Variants in MAN2A1 observed in about 807,000 individuals in gnomAD.
The protein encoded by MAN2A1 is mannosidase alpha class 2A member 1.
Under a neutral mutation model 142.6 loss-of-function variants are expected in MAN2A1, and 76 were observed. The ratio of observed to expected loss-of-function variants is 0.53; its 90% confidence interval spans 0.44 to 0.65. The LOEUF is 0.65. Ranked by LOEUF, MAN2A1 falls within the 30% of genes least tolerant of loss-of-function variation. The pLI, the probability that MAN2A1 is intolerant of heterozygous loss-of-function variation, is 0.00. For missense variants in MAN2A1, 1,311 were observed against 1,365.1 expected (o/e 0.96, Z 0.62); for synonymous variants, 559 against 473.2 (o/e 1.18, Z -2.35).
chr5:109,768,211 A>T (rs886537317), intron 6 of MAN2A1, among the ~76,000 whole-genome samples: 6 of 148,156 alleles, frequency 4.0e-5, no homozygotes, highest in African/African-American at 1.5e-4. Flanking sequence ...CATTCTAAGG[A>T]TATACTTGTG....
chr5:109,843,236 C>T (rs1028457850), intron 17 of MAN2A1, among the ~76,000 whole-genome samples: 10 of 152,234 alleles, frequency 6.6e-5, no homozygotes, highest in Middle Eastern at 3.4e-3. Flanking sequence ...AACTTACAAT[C>T]GTAGAGGAAG....
intron 1 of MAN2A1, among the ~76,000 whole-genome samples, chr5:109,696,631 C>G (rs1022667706): frequency 1.3e-5 from 2 of 152,170 alleles, no homozygotes; most frequent in African/African-American, 4.8e-5. Context: ...CGATATCTGC[C>G]AACATCACTG....
intron 4 of MAN2A1, among the ~76,000 whole-genome samples, chr5:109,731,356 CT>C (rs534960854): frequency 8.2e-4 from 101 of 123,732 alleles, no homozygotes; most frequent in Middle Eastern, 4.7e-3. Flanking sequence ...AAGCGTGTTT[CT>C]TTTTTTTATT....
intron 12 of MAN2A1, among the ~76,000 whole-genome samples, chr5:109,810,098 T>C (rs1055801792): frequency 9.9e-5 from 15 of 152,154 alleles, no homozygotes; most frequent in African/African-American, 3.6e-4. Flanking sequence ...TTCTCTACCT[T>C]GTCCTCTACT....
intron 16 of MAN2A1, among the ~76,000 whole-genome samples, chr5:109,836,726 G>T (rs1755066426): frequency 6.6e-6 from 1 of 151,986 alleles, no homozygotes; most frequent in South Asian, 2.1e-4. Flanking sequence ...TACAAATACA[G>T]GTATAAATAA....
In MAN2A1 at chr5:109,810,496, T is replaced by C. The variant is rs938665065; in HGVS notation, c.1944-6777T>C. ...GTCTCTGCTCTACTTTTCAGAAGCTTTCTGTTCAGGTTTTAAGCTTCCCTT... is the reference window on the plus strand; with the variant it reads ...GTCTCTGCTCTACTTTTCAGAAGCTCTCTGTTCAGGTTTTAAGCTTCCCTT... On this transcript the variant is annotated intron_variant, in intron 12 of 21. Transcript: ENST00000261483. Among the ~76,000 whole-genome samples the C allele has an allele frequency of 2.6e-5, 4 of 152,304 alleles. No homozygotes were observed. The East Asian group carries it at 7.7e-4, about 29-fold the overall frequency.
At chr5:109,777,615 T>C (rs897076787) in intron 8 of MAN2A1, among the ~76,000 whole-genome samples, 2 of 152,114 alleles carry the variant, frequency 1.3e-5, no homozygotes, top group Non-Finnish European at 2.9e-5. Flanking sequence ...CTTGTTCTGT[T>C]TGAAAAATTT....
intron 1 of MAN2A1, among the ~76,000 whole-genome samples, chr5:109,693,846 C>A (rs1375987626): frequency 6.6e-6 from 1 of 152,160 alleles, no homozygotes; most frequent in Non-Finnish European, 1.5e-5. Flanking sequence ...GTGTATATTT[C>A]AGGGTTAATA....
chr5:109,808,236 T>G (rs1249421283), intron 12 of MAN2A1, among the ~76,000 whole-genome samples: 2 of 152,190 alleles, frequency 1.3e-5, no homozygotes, highest in African/African-American at 4.8e-5. Context: ...TTTAAAAAAT[T>G]TGTTTGTTTT....
chr5:109,837,219 T>C (rs1580303854), intron 16 of MAN2A1, among the ~76,000 whole-genome samples: 1 of 151,408 alleles, frequency 6.6e-6, no homozygotes, highest in East Asian at 1.9e-4. Flanking sequence ...GTCTTTAATA[T>C]TAAATATGTA....
intron 1 of MAN2A1, among the ~76,000 whole-genome samples, chr5:109,711,842 G>A (rs1751309839): frequency 6.6e-6 from 1 of 152,080 alleles, no homozygotes; most frequent in Admixed American, 6.5e-5. Flanking sequence ...CTATCTTGTG[G>A]TGACTTATCA....
chr5:109,801,565 A>G (rs1389736033), intron 12 of MAN2A1, among the ~76,000 whole-genome samples: 1 of 152,130 alleles, frequency 6.6e-6, no homozygotes, highest in Non-Finnish European at 1.5e-5. Context: ...GTTGGGTAGG[A>G]AGGAGCAGCA....
intron 5 of MAN2A1, 88 bp from the exon 6 acceptor site, chr5:109,767,447 A>G (rs1753022377): frequency 2.8e-6 from 3 of 1,054,650 alleles, no homozygotes; most frequent in South Asian, 3.1e-5. Context: ...AGGAGACTAT[A>G]CAATGACAAT....
chr5:109,864,979 A>G (rs1309605431), intron 20 of MAN2A1, 57 bp from the exon 21 acceptor site: 1 of 1,142,700 alleles, frequency 8.8e-7, no homozygotes, highest in Non-Finnish European at 1.3e-6. Flanking sequence ...TGTGTGAAGT[A>G]CCATAAATAT....
chr5:109,701,506 A>G (rs1750982219), intron 1 of MAN2A1, among the ~76,000 whole-genome samples: 1 of 152,210 alleles, frequency 6.6e-6, no homozygotes, highest in African/African-American at 2.4e-5. Flanking sequence ...TGAATATACC[A>G]GGAAGCTGCT....
intron 5 of MAN2A1, among the ~76,000 whole-genome samples, chr5:109,756,541 A>T (rs573113508): frequency 6.6e-6 from 1 of 152,334 alleles, no homozygotes; most frequent in African/African-American, 2.4e-5. Context: ...GAAATGTATA[A>T]GAATACTGCA....
chr5:109,764,409 T>C (rs188772214), intron 5 of MAN2A1, among the ~76,000 whole-genome samples: 1 of 152,292 alleles, frequency 6.6e-6, no homozygotes, highest in African/African-American at 2.4e-5. Context: ...TGATGAGCTT[T>C]CCAGTTTTAT....
At position 109,819,824 on chromosome 5, in the gene MAN2A1, A is replaced by C. The variant is rs372789125; in HGVS notation, c.2265A>C (p.Glu755Asp). ...IFTIKNMINT[E>D]EGITLENSFV... ...CCATAAAGAATATGATAAATACTGA[A>C]GAAGGTATAACACTAGAGAACTCCT... is the stretch of plus-strand genomic sequence containing the variant. The change falls in exon 14 of 22, where the codon GAA (glutamate) becomes GAC (aspartate). Residue 755 changes from glutamate (E) to aspartate (D), a missense_variant. By Grantham distance (45) the Glu-to-Asp change is conservative (BLOSUM62 2). This residue lies in a region of MAN2A1 where 890 missense variants were observed against 920.5 expected (regional missense o/e 0.97). Transcript: ENST00000261483. 9 of 1,611,440 alleles carry C rather than the reference A, an allele frequency of 5.6e-6. No homozygotes were observed. The highest frequency in any genetic ancestry group is 1.7e-5 in the Admixed American group (1 of 59,666).
In MAN2A1 at chr5:109,817,206, A is replaced by G. The variant is rs58715434; in HGVS notation, c.1944-67A>G. 9.9e-4 allele frequency: 1,333 copies of G among 1,345,510 alleles called. 13 individuals carry two copies. The African/African-American group carries it at 0.017, about 17-fold the overall frequency. The allele number at this position is 1,345,510 out of a possible 1,614,324, so 83.3% of individuals were successfully genotyped here. A position where few individuals can be genotyped will look rare whatever the true frequency, so the allele number is the denominator to read the frequency against. ...TATGTATATGTATATGTATATCTACATGTATATGTATATGTAAGAAGTAAA... is the reference window on the plus strand; with the variant it reads ...TATGTATATGTATATGTATATCTACGTGTATATGTATATGTAAGAAGTAAA... On this transcript the variant is annotated intron_variant, in intron 12 of 21. Transcript: ENST00000261483.
Sources: allele counts gnomAD v4.1 joint callset (sites outside exome capture counted in the v4.1 genomes callset), GRCh38; gene constraint gnomAD v4.1.1; regional missense constraint gnomAD v4.1.1; transcripts MANE v1.5; gene names NCBI Gene and HGNC (gene_info 2026-07-23, HGNC 2026-07-21).